The following FGGY variants were observed in gnomAD, a reference collection of about 807,000 sequenced individuals.
The protein encoded by FGGY is FGGY carbohydrate kinase domain containing, also known as FGGY carbohydrate kinase domain-containing protein.
In FGGY, 72 loss-of-function variants were observed where a neutral mutation model predicts 71.3. The observed-to-expected ratio is 1.01, with a 90% CI of 0.84 to 1.23. The LOEUF (loss-of-function observed/expected upper bound fraction) is 1.23, where lower values mean the gene tolerates loss of function less well. FGGY is among the 50% of genes most tolerant of loss of function. The pLI, the probability that FGGY is intolerant of heterozygous loss-of-function variation, is 0.00. For synonymous variants in FGGY, 251 were observed against 250.3 expected (o/e 1.00, Z -0.02); for missense variants, 668 against 682.3 (o/e 0.98, Z 0.23).
At chr1:59,653,935 G>A (rs2097194680) in intron 11 of FGGY, among the ~76,000 whole-genome samples, 1 of 152,146 alleles carries the variant, frequency 6.6e-6, no homozygotes, top group African/African-American at 2.4e-5. Context: ...AAGAGCTCCT[G>A]TGATTACTCT....
At chr1:59,588,969 G>C (rs181294623) in intron 8 of FGGY, among the ~76,000 whole-genome samples, 1 of 152,166 alleles carries the variant, frequency 6.6e-6, no homozygotes, top group Non-Finnish European at 1.5e-5. Context: ...TGGACTAAAT[G>C]CTCCAATTAA....
At chr1:59,510,369 A>G (rs2153628262) in intron 6 of FGGY, among the ~76,000 whole-genome samples, 1 of 152,330 alleles carries the variant, frequency 6.6e-6, no homozygotes, top group South Asian at 2.1e-4. Context: ...TGCAGTCCCT[A>G]GCATGAAAGT....
intron 6 of FGGY, among the ~76,000 whole-genome samples, chr1:59,475,301 G>A (rs542235148): frequency 3.3e-5 from 5 of 152,174 alleles, no homozygotes; most frequent in African/African-American, 1.2e-4. Context: ...TCCTGAATTC[G>A]TCAGGTCCAC....
At chr1:59,442,376 A>G (rs2070137045) in intron 5 of FGGY, among the ~76,000 whole-genome samples, 1 of 152,134 alleles carries the variant, frequency 6.6e-6, no homozygotes, top group Non-Finnish European at 1.5e-5. Flanking sequence ...TGATCCCTGA[A>G]AGATATTGAA....
At chr1:59,308,308 C>T (rs1023344716) in intron 1 of FGGY, among the ~76,000 whole-genome samples, 2 of 152,098 alleles carry the variant, frequency 1.3e-5, no homozygotes, top group African/African-American at 4.8e-5. Flanking sequence ...TTGGATGATC[C>T]TTTGGGATAA....
intron 5 of FGGY, among the ~76,000 whole-genome samples, chr1:59,422,712 G>A (rs55975516): frequency 0.17 from 26,060 of 151,272 alleles, 2,764 homozygotes; most frequent in East Asian, 0.36. Context: ...AAAAAAAAAG[G>A]TTACTTGCTT....
At chr1:59,461,876 G>T (rs1250800489) in intron 6 of FGGY, among the ~76,000 whole-genome samples, 1 of 151,596 alleles carries the variant, frequency 6.6e-6, no homozygotes, top group Non-Finnish European at 1.5e-5. Flanking sequence ...TGCACAATGT[G>T]CAGGTTAGTT....
intron 10 of FGGY, among the ~76,000 whole-genome samples, chr1:59,627,207 G>T (rs78881781): frequency 0.015 from 2,291 of 151,712 alleles, 68 homozygotes; most frequent in African/African-American, 0.053. Context: ...AGTAAATTTG[G>T]GAAAGAATAT....
intron 7 of FGGY, among the ~76,000 whole-genome samples, chr1:59,542,642 G>GATGGGGTTTCTCC (rs1287449908): frequency 6.6e-6 from 1 of 151,734 alleles, no homozygotes; most frequent in African/African-American, 2.4e-5. Context: ...TTTTAGTAGA[G>GATGGGGTTTCTCC]ATGGGGTTTC....
Position 59,625,969 on chromosome 1 carries a change from C to G in FGGY, c.1012-19C>G. On this transcript the variant is annotated intron_variant, in intron 9 of 15. Coordinates refer to ENST00000303721, the MANE Select transcript of FGGY (RefSeq NM_018291.5). Reference sequence around the variant, plus strand: ...AATTAAAGAAGCTATAAAATTGACCCATGTCTCTTATTTTTCAGATAGACC... The same window carrying G: ...AATTAAAGAAGCTATAAAATTGACCGATGTCTCTTATTTTTCAGATAGACC... The G allele has an allele frequency of 5.7e-6, 9 of 1,582,708 alleles. No homozygotes were observed. Among genetic ancestry groups the G allele is most frequent in the Non-Finnish European group, 7.7e-6 (9 of 1,165,216 alleles).
chr1:59,699,293 C>CA, intron 14 of FGGY: 1 of 984,754 alleles, frequency 1.0e-6, no homozygotes, highest in Non-Finnish European at 1.2e-6. Flanking sequence ...ATTAAAAATT[C>CA]AATTAGAGAT....
intron 1 of FGGY, among the ~76,000 whole-genome samples, chr1:59,300,595 T>C (rs2042606592): frequency 2.6e-5 from 4 of 152,218 alleles, no homozygotes; most frequent in Admixed American, 6.5e-5. Flanking sequence ...ATTCTTCCTA[T>C]TTTTAAAAGA....
At chr1:59,712,021 C>T (rs1157506669) in intron 14 of FGGY, among the ~76,000 whole-genome samples, 1 of 152,194 alleles carries the variant, frequency 6.6e-6, no homozygotes, top group Admixed American at 6.5e-5. Context: ...AAGGCAAGTC[C>T]CTTCTGCCTA....
At chr1:59,695,034 T>A (rs2097645255) in intron 14 of FGGY, among the ~76,000 whole-genome samples, 1 of 152,146 alleles carries the variant, frequency 6.6e-6, no homozygotes, top group African/African-American at 2.4e-5. Flanking sequence ...GCCAAGACAA[T>A]CAAGCCTTAA....
intron 5 of FGGY, among the ~76,000 whole-genome samples, chr1:59,436,724 T>A (rs2153470595): frequency 6.6e-6 from 1 of 152,308 alleles, no homozygotes; most frequent in South Asian, 2.1e-4. Flanking sequence ...TCTTTGTAGA[T>A]CTCAGCCTGT....
intron 14 of FGGY, among the ~76,000 whole-genome samples, chr1:59,751,162 G>T (rs1384875962): frequency 6.6e-6 from 1 of 152,118 alleles, no homozygotes; most frequent in African/African-American, 2.4e-5. Flanking sequence ...TTATGACCTT[G>T]GGAAAATTAC....
chr1:59,644,330 C>G (rs1341452029), intron 11 of FGGY, among the ~76,000 whole-genome samples: 1 of 152,150 alleles, frequency 6.6e-6, no homozygotes, highest in African/African-American at 2.4e-5. Context: ...ACAGTTGACT[C>G]CTATCATGTG....
chr1:59,462,756 A>G (rs9729701), intron 6 of FGGY, among the ~76,000 whole-genome samples: 3 of 151,770 alleles, frequency 2.0e-5, no homozygotes, highest in Non-Finnish European at 4.4e-5. Context: ...AACCACAATG[A>G]GATACCATCT....
chr1:59,409,386 A>G (rs1455151464), intron 5 of FGGY, among the ~76,000 whole-genome samples: 2 of 152,162 alleles, frequency 1.3e-5, no homozygotes, highest in Non-Finnish European at 2.9e-5. Flanking sequence ...CTGAAGGGAT[A>G]ACTGCTTCCA....
Sources: gnomAD v4.1 joint callset for allele counts (sites outside exome capture counted in the v4.1 genomes callset) on GRCh38, gnomAD v4.1.1 for gene constraint, MANE v1.5 for transcripts, NCBI Gene and HGNC (gene_info 2026-07-23, HGNC 2026-07-21) for gene names.